Variants in NCAM2 observed in about 807,000 individuals in gnomAD.
NCAM2 encodes the protein N-CAM-2.
A neutral mutation model predicts 98.1 loss-of-function variants in NCAM2; 30 were observed. That is an observed-to-expected ratio of 0.31 (90% CI 0.23 to 0.41). NCAM2 has a LOEUF of 0.41. NCAM2 is among the 10% of genes least tolerant of loss of function. The probability of loss-of-function intolerance (pLI) is 1.00; values close to 1 mark genes in which losing one functional copy is unlikely to be tolerated. For missense variants in NCAM2, 867 were observed against 1,005.8 expected, an observed-to-expected ratio of 0.86 and a Z score of 1.87; for synonymous variants, 368 against 342.4, an observed-to-expected ratio of 1.07 and a Z score of -0.83.
intron 9 of NCAM2, 96 bp from the exon 10 acceptor site, chr21:21,410,178 T>C (rs1443846906): frequency 4.2e-6 from 3 of 709,018 alleles, no homozygotes; most frequent in Non-Finnish European, 4.1e-6. Context: ...ATGTGGCTTC[T>C]TTTTATACAG....
At chr21:21,304,328 AT>A (rs5842915) in intron 5 of NCAM2, among the ~76,000 whole-genome samples, 111,129 of 150,358 alleles carry the variant, frequency 0.74, 41,092 homozygotes, top group South Asian at 0.82. Context: ...GGTTTGTTGT[AT>A]TTTTTTTTTG....
At chr21:21,429,493 T>G (rs978200271) in intron 11 of NCAM2, among the ~76,000 whole-genome samples, 4 of 152,270 alleles carry the variant, frequency 2.6e-5, no homozygotes, top group African/African-American at 9.6e-5. Flanking sequence ...TAATGTACAT[T>G]AGGGAGTCAG....
chr21:21,185,520 G>A (rs1204677563), intron 1 of NCAM2, among the ~76,000 whole-genome samples: 1 of 151,862 alleles, frequency 6.6e-6, no homozygotes, highest in Non-Finnish European at 1.5e-5. Context: ...AGCTTTTATG[G>A]AAAAATAATT....
intron 1 of NCAM2, 139 bp downstream of exon 1, chr21:20,998,757 G>A (rs2063965982): frequency 1.2e-6 from 1 of 863,714 alleles, no homozygotes; most frequent in Non-Finnish European, 1.8e-6. Flanking sequence ...TATTATTTTC[G>A]TTCTTTCTCC....
At chr21:21,163,440 G>T (rs1299774281) in intron 1 of NCAM2, among the ~76,000 whole-genome samples, 1 of 152,012 alleles carries the variant, frequency 6.6e-6, no homozygotes, top group Non-Finnish European at 1.5e-5. Flanking sequence ...TAATTAATCA[G>T]CACTCTTCCC....
chr21:21,456,404 A>G (rs777365489), intron 12 of NCAM2, among the ~76,000 whole-genome samples: 14 of 152,140 alleles, frequency 9.2e-5, no homozygotes, highest in Non-Finnish European at 1.6e-4. Context: ...CCTGTGAACT[A>G]TAAGGAAAAT....
At chr21:21,445,335 G>A (rs1169958048) in intron 12 of NCAM2, among the ~76,000 whole-genome samples, 2 of 152,160 alleles carry the variant, frequency 1.3e-5, no homozygotes, top group Non-Finnish European at 2.9e-5. Context: ...GAGTTCTGTA[G>A]ATATCTATTA....
rs3990174 is a variant in NCAM2 at position 21,437,474 on chromosome 21, C to CTGTG, written c.1654+5217_1654+5220dup. ...ATTTATCCAATCCCCCACCAAGATT[C>CTGTG]TGTGTGTGTGTGTGTGTGTGTGTGT... On this transcript the variant is annotated intron_variant, in intron 12 of 17. Coordinates refer to ENST00000400546, the MANE Select transcript of NCAM2 (RefSeq NM_004540.5). Among the ~76,000 whole-genome samples the CTGTG allele has an allele frequency of 1.4e-3, 204 of 144,532 alleles. 1 individual carries two copies. Among genetic ancestry groups the CTGTG allele is most frequent in the South Asian group, 5.7e-3 (25 of 4,418 alleles). The allele number at this position is 144,532 out of a possible 152,430, so 94.8% of individuals were successfully genotyped here. A position where few individuals can be genotyped will look rare whatever the true frequency, so the allele number is the denominator to read the frequency against.
At chr21:21,461,578 C>T (rs1453045585) in intron 12 of NCAM2, among the ~76,000 whole-genome samples, 2 of 151,640 alleles carry the variant, frequency 1.3e-5, no homozygotes, top group Non-Finnish European at 2.9e-5. Flanking sequence ...TTTTTCTTTC[C>T]ACTGTTCATC....
At chr21:21,367,948 C>A (rs2075826342) in intron 8 of NCAM2, among the ~76,000 whole-genome samples, 1 of 151,872 alleles carries the variant, frequency 6.6e-6, no homozygotes, top group Admixed American at 6.6e-5. Context: ...ATACTCAGGT[C>A]ATGTTTTGAA....
At chr21:21,193,784 G>T (rs901799027) in intron 1 of NCAM2, among the ~76,000 whole-genome samples, 1 of 151,976 alleles carries the variant, frequency 6.6e-6, no homozygotes, top group South Asian at 2.1e-4. Flanking sequence ...ATGAGCCACC[G>T]CACCTGGCCT....
At chr21:21,444,265 G>T (rs1979751534) in intron 12 of NCAM2, among the ~76,000 whole-genome samples, 1 of 152,180 alleles carries the variant, frequency 6.6e-6, no homozygotes, top group African/African-American at 2.4e-5. Flanking sequence ...TCATACCGAT[G>T]TTCATCAGGG....
chr21:21,294,459 T>TTGGACCCTCCCAA (rs1288752688), intron 5 of NCAM2, among the ~76,000 whole-genome samples: 11 of 151,888 alleles, frequency 7.2e-5, no homozygotes, highest in Non-Finnish European at 1.2e-4. Flanking sequence ...CTCCCAAAAG[T>TTGGACCCTCCCAA]AAATTCTTCT....
chr21:21,208,664 A>T (rs2069530606), intron 1 of NCAM2, among the ~76,000 whole-genome samples: 1 of 152,034 alleles, frequency 6.6e-6, no homozygotes, highest in South Asian at 2.1e-4. Context: ...GCCTATGTGG[A>T]GATTATTGTA....
chr21:21,240,746 T>C (rs1413565871), intron 1 of NCAM2, among the ~76,000 whole-genome samples: 1 of 152,214 alleles, frequency 6.6e-6, no homozygotes, highest in Non-Finnish European at 1.5e-5. Flanking sequence ...AAAATGACAC[T>C]GTGACCTGGT....
At chr21:21,310,012 T>C (rs2073995894) in intron 5 of NCAM2, among the ~76,000 whole-genome samples, 1 of 152,194 alleles carries the variant, frequency 6.6e-6, no homozygotes, top group Non-Finnish European at 1.5e-5. Context: ...TTTTTAGATA[T>C]ATGTTTCAGT....
chr21:21,369,428 C>T (rs232508), intron 8 of NCAM2, among the ~76,000 whole-genome samples: 57,587 of 151,626 alleles, frequency 0.38, 11,281 homozygotes, highest in East Asian at 0.58. Context: ...ATAATGCTGT[C>T]ATTAGCATTT....
chr21:21,350,031 C>A (rs2075292669), intron 8 of NCAM2, among the ~76,000 whole-genome samples: 1 of 151,890 alleles, frequency 6.6e-6, no homozygotes, highest in Admixed American at 6.6e-5. Context: ...ATAGTTAATA[C>A]CAACTTAATT....
chr21:21,406,332 T>A (rs1453431196), intron 9 of NCAM2, among the ~76,000 whole-genome samples: 3 of 152,108 alleles, frequency 2.0e-5, no homozygotes, highest in African/African-American at 7.2e-5. Context: ...CCTAACAGGG[T>A]CCTTGCTAAA....
Sources: allele counts gnomAD v4.1 joint callset (sites outside exome capture counted in the v4.1 genomes callset), GRCh38; gene constraint gnomAD v4.1.1; transcripts MANE v1.5; gene names NCBI Gene and HGNC (gene_info 2026-07-23, HGNC 2026-07-21).